The following R3HDM1 variants were observed in gnomAD, a reference collection of about 807,000 sequenced individuals.
R3HDM1 encodes R3H domain containing 1.
Under a neutral mutation model 141.1 loss-of-function variants are expected in R3HDM1, and 46 were observed. The observed-to-expected ratio is 0.33, with a 90% CI of 0.26 to 0.42. The LOEUF is 0.42. Ranked by LOEUF, R3HDM1 falls within the 10% of genes least tolerant of loss-of-function variation. The pLI, the probability that R3HDM1 is intolerant of heterozygous loss-of-function variation, is 1.00. For synonymous variants in R3HDM1, 435 were observed against 472.9 expected, an observed-to-expected ratio of 0.92 and a Z score of 1.04; for missense variants, 1,184 against 1,368.3, an observed-to-expected ratio of 0.87 and a Z score of 2.12.
chr2:135,607,253 C>T (rs955269786), intron 3 of R3HDM1: 1 of 951,138 alleles, frequency 1.1e-6, no homozygotes, highest in East Asian at 1.2e-4. Flanking sequence ...TCCCAAACTG[C>T]TGAGATTACA....
intron 14 of R3HDM1, 24 bp downstream of exon 14, chr2:135,639,146 T>C (rs1574591985): frequency 6.2e-7 from 1 of 1,600,640 alleles, no homozygotes; most frequent in Non-Finnish European, 8.6e-7. Flanking sequence ...CACAAAACTG[T>C]GCAGTCAAGT....
At chr2:135,578,410 T>C (rs922742964) in intron 1 of R3HDM1, among the ~76,000 whole-genome samples, 1 of 152,136 alleles carries the variant, frequency 6.6e-6, no homozygotes, top group Non-Finnish European at 1.5e-5. Flanking sequence ...TTGGGAGTAA[T>C]GGGAATAAGA....
chr2:135,617,081 T>C (rs926466955), intron 5 of R3HDM1, among the ~76,000 whole-genome samples: 1 of 152,132 alleles, frequency 6.6e-6, no homozygotes, highest in African/African-American at 2.4e-5. Flanking sequence ...CCCAGCACTT[T>C]GGGAAGCCGA....
chr2:135,649,908 C>G lies in R3HDM1; in HGVS notation c.1630C>G (p.His544Asp). Residue 544 changes from histidine to aspartate, a missense_variant, in exon 17 of 27, where the codon CAT becomes GAT. By Grantham distance (81) the His-to-Asp change is moderately conservative. This residue lies in a region of R3HDM1 where 563 missense variants were observed against 562.0 expected (regional missense o/e 1.00). Transcript: ENST00000683871. ...AANHIFSQPV[H>D]PLQSSSQPVQ... The stretch of plus-strand genomic sequence containing the variant: ...CCAACCTGTTATTCTTTAGCCTGTT[C>G]ATCCTCTGCAGTCCTCTTCACAGCC... 1 of 1,258,900 alleles carries G rather than the reference C, an allele frequency of 7.9e-7. No homozygotes were observed. Among genetic ancestry groups the G allele is most frequent in the Non-Finnish European group, 1.0e-6 (1 of 966,082 alleles). The allele number at this position is 1,258,900 out of a possible 1,614,324, so 78.0% of individuals were successfully genotyped here.
chr2:135,592,202 C>T (rs1032329938), intron 1 of R3HDM1, among the ~76,000 whole-genome samples: 2 of 152,196 alleles, frequency 1.3e-5, no homozygotes, highest in Admixed American at 1.3e-4. Context: ...ATAGTAACCT[C>T]ATTAGCATAC....
intron 20 of R3HDM1, among the ~76,000 whole-genome samples, chr2:135,678,213 C>T (rs1461312561): frequency 6.6e-6 from 1 of 151,888 alleles, no homozygotes; most frequent in Admixed American, 6.6e-5. Flanking sequence ...ATCTACCCTC[C>T]TTGGCCTCCC....
intron 21 of R3HDM1, among the ~76,000 whole-genome samples, chr2:135,683,032 C>T (rs1195543118): frequency 4.6e-5 from 7 of 152,066 alleles, no homozygotes; most frequent in East Asian, 1.9e-4. Context: ...TGGAATTACC[C>T]GCAGCTTGGA....
At chr2:135,536,165 G>GTT (rs1696056350) in intron 1 of R3HDM1, among the ~76,000 whole-genome samples, 1 of 151,890 alleles carries the variant, frequency 6.6e-6, no homozygotes, top group Non-Finnish European at 1.5e-5. Flanking sequence ...TAAGAGACAG[G>GTT]GATTCACCCT....
chr2:135,650,391 C>G, intron 17 of R3HDM1: 2 of 984,640 alleles, frequency 2.0e-6, no homozygotes, highest in Non-Finnish European at 2.4e-6. Context: ...AGACCCAGTA[C>G]CAGTTCTTAG....
chr2:135,572,746 T>C (rs893643882), intron 1 of R3HDM1, among the ~76,000 whole-genome samples: 1 of 152,154 alleles, frequency 6.6e-6, no homozygotes, highest in Non-Finnish European at 1.5e-5. Context: ...AATCAATAGA[T>C]GGAAACAAGA....
chr2:135,627,117 T>G (rs2062128719), intron 7 of R3HDM1, among the ~76,000 whole-genome samples: 1 of 152,224 alleles, frequency 6.6e-6, no homozygotes, highest in Non-Finnish European at 1.5e-5. Context: ...TGTTAAATTT[T>G]GTGAGAAATA....
At chr2:135,540,215 C>A (rs564630604) in intron 1 of R3HDM1, among the ~76,000 whole-genome samples, 86 of 152,198 alleles carry the variant, frequency 5.7e-4, no homozygotes, top group Non-Finnish European at 1.1e-3. Context: ...AGCACATCTT[C>A]AGGCCCCATT....
chr2:135,677,222 T>C (rs1443423210), intron 20 of R3HDM1, among the ~76,000 whole-genome samples: 1 of 152,230 alleles, frequency 6.6e-6, no homozygotes, highest in Non-Finnish European at 1.5e-5. Flanking sequence ...ATGTCCACTT[T>C]TGAGAACCCT....
intron 1 of R3HDM1, among the ~76,000 whole-genome samples, chr2:135,533,699 G>C (rs1239522831): frequency 1.3e-5 from 2 of 152,220 alleles, no homozygotes; most frequent in African/African-American, 4.8e-5. Flanking sequence ...CCAACATGGA[G>C]AAACCCCGTC....
chr2:135,679,217 A>G (rs959654352), intron 20 of R3HDM1, among the ~76,000 whole-genome samples: 3 of 151,344 alleles, frequency 2.0e-5, no homozygotes, highest in African/African-American at 4.9e-5. Flanking sequence ...TGTTGTTTCT[A>G]TCTTAGAAAC....
chr2:135,567,808 T>A (rs1242812291), intron 1 of R3HDM1, among the ~76,000 whole-genome samples: 1 of 151,072 alleles, frequency 6.6e-6, no homozygotes, highest in Non-Finnish European at 1.5e-5. Context: ...GGCACAGTCA[T>A]AGCTCACTGC....
chr2:135,586,593 G>A lies in R3HDM1; in HGVS notation c.-249-15907G>A, dbSNP rs1707976070. The A allele has an allele frequency of 2.7e-5, 15 of 559,158 alleles. No homozygotes were observed. In the South Asian group the frequency reaches 1.1e-3, roughly 41 times the overall value. 34.6% of individuals were successfully genotyped at this position (559,158 alleles called of 1,614,324 possible). ...ATGTTCACTTAGTACCATAATTTTT[G>A]TTAGAGGATGTGTGATAAAATTCTA... is the stretch of plus-strand genomic sequence containing the variant. On this transcript the variant is annotated intron_variant, in intron 1 of 26. Transcript: ENST00000683871.
chr2:135,637,590 G>T (rs184301043), intron 11 of R3HDM1, among the ~76,000 whole-genome samples: 338 of 152,292 alleles, frequency 2.2e-3, no homozygotes, highest in African/African-American at 5.9e-3. Flanking sequence ...ACAGGTTGCA[G>T]TGACCCAAGA....
At chr2:135,678,757 C>CTT (rs397738151) in intron 20 of R3HDM1, among the ~76,000 whole-genome samples, 4 of 84,190 alleles carry the variant, frequency 4.8e-5, no homozygotes, top group African/African-American at 1.4e-4. Context: ...TACTGGCTTG[C>CTT]TTTTTTTTTT....
Sources: gnomAD v4.1 joint callset for allele counts (sites outside exome capture counted in the v4.1 genomes callset) on GRCh38, gnomAD v4.1.1 for gene constraint, gnomAD v4.1.1 regional missense constraint, MANE v1.5 for transcripts, NCBI Gene and HGNC (gene_info 2026-07-23, HGNC 2026-07-21) for gene names.